Variants in EPB41L5 observed in about 807,000 individuals in gnomAD.
EPB41L5 encodes the protein erythrocyte membrane protein band 4.1 like 5.
Under a neutral mutation model 106.6 loss-of-function variants are expected in EPB41L5, and 55 were observed. The observed-to-expected ratio is 0.52, with a 90% CI of 0.42 to 0.65. The LOEUF is 0.65. EPB41L5 is among the 30% of genes least tolerant of loss of function. The pLI is 0.00. For missense variants in EPB41L5, 871 were observed against 882.1 expected (o/e 0.99, Z 0.16); for synonymous variants, 297 against 306.7 (o/e 0.97, Z 0.33).
In EPB41L5 at chr2:120,167,960, C is replaced by A. The variant is rs748223454; in HGVS notation, c.2088C>A (p.Ile696=). ...AGGGACATGGTAATAAAGATGGAAT[C>A]TCACTGATCTCTCCCCCAGCGCCAT... The part of the protein sequence containing the change: ...GKEGHGNKDG[I]SLISPPAPFL... Residue 696 remains isoleucine, a synonymous_variant, in exon 24 of 25, where the codon ATC becomes ATA. Coordinates refer to ENST00000263713, the MANE Select transcript of EPB41L5 (RefSeq NM_020909.4). 2 of 1,614,114 alleles carry A rather than the reference C, an allele frequency of 1.2e-6. No individual in the cohort carries two copies. The highest frequency in any genetic ancestry group is 2.2e-5 in the East Asian group (1 of 44,878).
At chr2:120,083,439 C>T (rs940784701) in intron 10 of EPB41L5, among the ~76,000 whole-genome samples, 4 of 152,178 alleles carry the variant, frequency 2.6e-5, no homozygotes, top group African/African-American at 9.7e-5. Flanking sequence ...ATCCTGAGTT[C>T]TAGTTTGATA....
At chr2:120,066,997 T>C (rs964196731) in intron 3 of EPB41L5, among the ~76,000 whole-genome samples, 1 of 152,194 alleles carries the variant, frequency 6.6e-6, no homozygotes, top group Non-Finnish European at 1.5e-5. Context: ...GCAGGCCTAG[T>C]GTTCTGTTAA....
chr2:120,103,979 C>A, intron 16 of EPB41L5: 1 of 1,414,604 alleles, frequency 7.1e-7, no homozygotes, highest in Non-Finnish European at 9.2e-7. Flanking sequence ...ATTACCTTTC[C>A]CCTTTATTGT....
At chr2:120,017,602 A>G (rs975838351) in intron 1 of EPB41L5, among the ~76,000 whole-genome samples, 2 of 152,192 alleles carry the variant, frequency 1.3e-5, no homozygotes, top group Non-Finnish European at 2.9e-5. Context: ...ATTAACATTA[A>G]TGTTCTTTAT....
chr2:120,138,891 A>G (rs1164980028), intron 18 of EPB41L5, among the ~76,000 whole-genome samples: 1 of 152,090 alleles, frequency 6.6e-6, no homozygotes, highest in Non-Finnish European at 1.5e-5. Context: ...CCTGAGAAGA[A>G]AAAACGAAAC....
intron 18 of EPB41L5, among the ~76,000 whole-genome samples, chr2:120,134,019 C>T (rs375654587): frequency 1.3e-5 from 2 of 152,232 alleles, no homozygotes; most frequent in East Asian, 1.9e-4. Flanking sequence ...AGGGAACCTG[C>T]TGTCTTGAGG....
In EPB41L5 at chr2:120,160,913, C is replaced by T. The variant is rs767308933; in HGVS notation, c.1826C>T (p.Pro609Leu). The T allele has an allele frequency of 1.2e-6, 2 of 1,613,710 alleles. No individual in the cohort carries two copies. Among genetic ancestry groups the T allele is most frequent in the Admixed American group, 1.7e-5 (1 of 60,010 alleles). Residue 609 changes from proline to leucine, a missense_variant, in exon 21 of 25, where the codon CCC (proline) becomes CTC (leucine). By Grantham distance (98) the Pro-to-Leu change is moderately conservative (BLOSUM62 -3). Transcript: ENST00000263713. ...AVLNENNVPL[P>L]KESLETLMLI... ...TTAAATGAGAATAATGTGCCCCTCC[C>T]CAAAGAGTCTCTTGAGACTCTGATG... is the stretch of plus-strand genomic sequence containing the variant.
At chr2:120,066,990 G>A (rs1270899124) in intron 3 of EPB41L5, among the ~76,000 whole-genome samples, 1 of 152,134 alleles carries the variant, frequency 6.6e-6, no homozygotes, top group African/African-American at 2.4e-5. Context: ...GCTACTGGCA[G>A]GCCTAGTGTT....
intron 2 of EPB41L5, among the ~76,000 whole-genome samples, chr2:120,031,470 A>G (rs114119794): frequency 1.3e-3 from 199 of 152,338 alleles, no homozygotes; most frequent in African/African-American, 4.7e-3. Flanking sequence ...AGTAGCAGGT[A>G]CTGGTGTAGA....
chr2:120,151,114 C>G (rs187358154), intron 20 of EPB41L5, among the ~76,000 whole-genome samples: 2 of 152,074 alleles, frequency 1.3e-5, no homozygotes, highest in Non-Finnish European at 2.9e-5. Flanking sequence ...AGTTCGAGAC[C>G]ACCCTGGCTA....
chr2:120,068,866 A>C (rs1455419759), intron 3 of EPB41L5, among the ~76,000 whole-genome samples: 1 of 151,880 alleles, frequency 6.6e-6, no homozygotes, highest in Non-Finnish European at 1.5e-5. Flanking sequence ...AGTGGCTCAC[A>C]CTTGTAATCC....
chr2:120,055,481 ATT>A (rs34856540), intron 3 of EPB41L5, among the ~76,000 whole-genome samples: 7 of 85,558 alleles, frequency 8.2e-5, no homozygotes, highest in Admixed American at 1.5e-4. Flanking sequence ...TAGGTTTTTA[ATT>A]TTTTTTTTTT....
At chr2:120,105,120 A>T (rs2105410513) in intron 16 of EPB41L5, 1 of 977,828 alleles carries the variant, frequency 1.0e-6, no homozygotes, top group East Asian at 1.1e-4. Flanking sequence ...AAACCATATG[A>T]TTTTTAGATT....
At chr2:120,107,044 G>T (rs1684495495) in intron 16 of EPB41L5, 1 of 480,308 alleles carries the variant, frequency 2.1e-6, no homozygotes. Flanking sequence ...GCCAAAAAAT[G>T]TTATTTATAA....
chr2:120,025,871 C>T (rs1391087036), intron 2 of EPB41L5, among the ~76,000 whole-genome samples: 2 of 152,160 alleles, frequency 1.3e-5, no homozygotes, highest in African/African-American at 2.4e-5. Context: ...ACACACACTT[C>T]CAATTCTAAG....
At chr2:120,026,872 A>T (rs564450673) in intron 2 of EPB41L5, among the ~76,000 whole-genome samples, 12 of 152,360 alleles carry the variant, frequency 7.9e-5, no homozygotes, top group Non-Finnish European at 1.6e-4. Flanking sequence ...CTATATAAAG[A>T]ACACCCAATT....
chr2:120,142,188 G>A (rs779933900), intron 18 of EPB41L5, among the ~76,000 whole-genome samples: 4 of 147,706 alleles, frequency 2.7e-5, no homozygotes, highest in South Asian at 4.2e-4. Context: ...TAAGTGTATC[G>A]TTCAGTGGTA....
chr2:120,110,436 A>G (rs1223816157), intron 16 of EPB41L5, among the ~76,000 whole-genome samples: 1 of 152,300 alleles, frequency 6.6e-6, no homozygotes, highest in South Asian at 2.1e-4. Flanking sequence ...CACACTGGCA[A>G]TTTCTCAGTT....
At chr2:120,096,330 A>G (rs1003987244) in intron 14 of EPB41L5, among the ~76,000 whole-genome samples, 5 of 152,202 alleles carry the variant, frequency 3.3e-5, no homozygotes, top group African/African-American at 1.2e-4. Flanking sequence ...TTAGCTGTCA[A>G]TAGGCTGTTG....
Sources: gnomAD v4.1 joint callset for allele counts (sites outside exome capture counted in the v4.1 genomes callset) on GRCh38, gnomAD v4.1.1 for gene constraint, MANE v1.5 for transcripts, NCBI Gene and HGNC (gene_info 2026-07-23, HGNC 2026-07-21) for gene names.